The following BCAS3 variants were observed in gnomAD, a reference collection of about 807,000 sequenced individuals.
BCAS3 encodes BCAS3 microtubule associated cell migration factor.
Under a neutral mutation model 116.1 loss-of-function variants are expected in BCAS3, and 53 were observed. The observed-to-expected ratio is 0.46, with a 90% CI of 0.37 to 0.57. The LOEUF is 0.57. Ranked by LOEUF, BCAS3 falls within the 20% of genes least tolerant of loss-of-function variation. The pLI, the probability that BCAS3 is intolerant of heterozygous loss-of-function variation, is 0.00. For synonymous variants in BCAS3, 391 were observed against 408.2 expected (o/e 0.96, Z 0.51); for missense variants, 917 against 1,165.4 (o/e 0.79, Z 3.10).
At chr17:60,736,398 G>T (rs536018768) in intron 5 of BCAS3, among the ~76,000 whole-genome samples, 1 of 150,568 alleles carries the variant, frequency 6.6e-6, no homozygotes, top group Non-Finnish European at 1.5e-5. Flanking sequence ...GTTGGCCAGG[G>T]TGGTCTCAAA....
chr17:61,237,658 G>C (rs903003607), intron 22 of BCAS3, among the ~76,000 whole-genome samples: 2 of 152,134 alleles, frequency 1.3e-5, no homozygotes, highest in African/African-American at 4.8e-5. Flanking sequence ...TACAGTACGT[G>C]GGACACTGAA....
At chr17:60,790,237 CA>C (rs2046643569) in intron 6 of BCAS3, among the ~76,000 whole-genome samples, 1 of 152,146 alleles carries the variant, frequency 6.6e-6, no homozygotes, top group South Asian at 2.1e-4. Flanking sequence ...TGGAGTTCTT[CA>C]ATTCAGGTTT....
chr17:61,068,015 T>G lies in BCAS3; in HGVS notation c.2030-6905T>G, dbSNP rs1879915466. On this transcript the variant is annotated intron_variant, in intron 19 of 23. Transcript: ENST00000407086. This position sits in a 1 kb window ranked among gnomAD's most constrained non-coding sequence, Gnocchi z 4.3. Reference sequence around the variant, plus strand: ...TAAATTGATAGTATTCCCTATTCAGTATTTTCCTTTTCAGTTTGGCAGATA... The same window carrying G: ...TAAATTGATAGTATTCCCTATTCAGGATTTTCCTTTTCAGTTTGGCAGATA... Among the ~76,000 whole-genome samples the G allele has an allele frequency of 6.6e-6, 1 of 152,162 alleles. No individual in the cohort carries two copies. Among genetic ancestry groups the G allele is most frequent in the African/African-American group, 2.4e-5 (1 of 41,446 alleles).
rs2073903171 is a variant in BCAS3, at chr17:61,095,407, G to A, written c.2425+10843G>A. Among the ~76,000 whole-genome samples the A allele has an allele frequency of 6.6e-6, 1 of 152,164 alleles. No individual in the cohort carries two copies. On this transcript the variant is annotated intron_variant, in intron 22 of 23. Coordinates refer to ENST00000407086, the MANE Select transcript of BCAS3 (RefSeq NM_017679.5). The surrounding 1 kb of genome is among the most constrained non-coding windows in gnomAD (Gnocchi z 4.7). ...TAGCTGATACATAATTGTATTAAAT[G>A]TTGATAGATATAGTACATATAAACC...
At chr17:60,896,123 C>G (rs2057492920) in intron 10 of BCAS3, among the ~76,000 whole-genome samples, 2 of 152,068 alleles carry the variant, frequency 1.3e-5, no homozygotes, top group Non-Finnish European at 2.9e-5. Flanking sequence ...GTCAGGAGTT[C>G]AAGACCAGCC....
At chr17:61,385,577 A>G (rs1176642009) in intron 23 of BCAS3, among the ~76,000 whole-genome samples, 8 of 152,354 alleles carry the variant, frequency 5.3e-5, no homozygotes, top group African/African-American at 1.9e-4. Flanking sequence ...AGGAACCCCC[A>G]GGCAGAAGGT....
At position 61,236,383 on chromosome 17, in the gene BCAS3, G is replaced by C. The variant is rs369358469; in HGVS notation, c.2426-131944G>C. On this transcript the variant is annotated intron_variant, in intron 22 of 23. Coordinates refer to ENST00000407086, the MANE Select transcript of BCAS3 (RefSeq NM_017679.5). Reference sequence around the variant, plus strand: ...CACCCAGGCTGGAGTGCAGCGGTGTGATCTCAGCTCACTGCAACCTCTGCC... The same window carrying C: ...CACCCAGGCTGGAGTGCAGCGGTGTCATCTCAGCTCACTGCAACCTCTGCC... Among the ~76,000 whole-genome samples the C allele has an allele frequency of 5.4e-4, 82 of 152,310 alleles. No individual in the cohort carries two copies. In the South Asian group the frequency reaches 0.017, roughly 32 times the overall value.
Position 60,910,469 on chromosome 17 carries a change from C to A in BCAS3, c.823-63C>A, listed in dbSNP as rs747223932. ...AATGATTAGGAAAATTAATAAAATG[C>A]GTATTTCTATGTAGAATCCAAATAC... On this transcript the variant is annotated intron_variant, in intron 11 of 23. Transcript: ENST00000407086. 6 of 1,266,770 alleles carry A rather than the reference C, an allele frequency of 4.7e-6. No homozygotes were observed. The South Asian group carries it at 7.4e-5, about 16-fold the overall frequency. 78.5% of individuals were successfully genotyped at this position (1,266,770 alleles called of 1,614,324 possible).
At chr17:60,708,151 T>C (rs1313911327) in intron 4 of BCAS3, among the ~76,000 whole-genome samples, 3 of 152,044 alleles carry the variant, frequency 2.0e-5, no homozygotes, top group African/African-American at 7.2e-5. Flanking sequence ...GGCGAAACCC[T>C]GTCTCTACAA....
intron 22 of BCAS3, among the ~76,000 whole-genome samples, chr17:61,223,980 G>A (rs148103620): frequency 1.6e-3 from 249 of 152,316 alleles, no homozygotes; most frequent in African/African-American, 4.2e-3. Context: ...TCATGTGCTC[G>A]CTTTTGGATA....
At chr17:60,821,480 T>C (rs996169939) in intron 7 of BCAS3, among the ~76,000 whole-genome samples, 2 of 152,168 alleles carry the variant, frequency 1.3e-5, no homozygotes, top group African/African-American at 4.8e-5. Context: ...TTCCCCAAAG[T>C]TTCCTCATGT....
chr17:61,275,667 G>C (rs10083853), intron 22 of BCAS3, among the ~76,000 whole-genome samples: 28,134 of 152,098 alleles, frequency 0.18, 4,339 homozygotes, highest in African/African-American at 0.43. Flanking sequence ...CACTACAGAG[G>C]TGCACATGCA....
intron 23 of BCAS3, chr17:61,389,731 T>A (rs530357458): frequency 6.6e-6 from 1 of 152,394 alleles, no homozygotes; most frequent in East Asian, 1.9e-4. Context: ...GAACAGGACA[T>A]TCATCTTGTA....
intron 22 of BCAS3, among the ~76,000 whole-genome samples, chr17:61,264,278 A>T (rs1449584756): frequency 6.6e-6 from 1 of 152,170 alleles, no homozygotes; most frequent in Non-Finnish European, 1.5e-5. Flanking sequence ...TGACTTGTGT[A>T]TAAAAGAAGA....
At position 61,339,729 on chromosome 17, in the gene BCAS3, G is replaced by A. The variant is rs567952942; in HGVS notation, c.2426-28598G>A. On this transcript the variant is annotated intron_variant, in intron 22 of 23. Transcript: ENST00000407086. The surrounding 1 kb of genome is among the most constrained non-coding windows in gnomAD (Gnocchi z 4.4). ...TACAGTGAGCTGAGATCGCGCCACTGTACTCCAGTCGGGGCGACAAAGCGA... is the reference window on the plus strand; with the variant it reads ...TACAGTGAGCTGAGATCGCGCCACTATACTCCAGTCGGGGCGACAAAGCGA... 6.6e-6 allele frequency among the ~76,000 whole-genome samples: 1 copy of A among 150,948 alleles called. No individual in the cohort carries two copies. Among genetic ancestry groups the A allele is most frequent in the Non-Finnish European group, 1.5e-5 (1 of 67,874 alleles).
chr17:60,775,945 G>A (rs1351763043), intron 6 of BCAS3, among the ~76,000 whole-genome samples: 1 of 152,176 alleles, frequency 6.6e-6, no homozygotes, highest in African/African-American at 2.4e-5. Flanking sequence ...CTAATTCTTT[G>A]TACTCAGTGC....
chr17:61,049,550 AG>A (rs1296899366), intron 19 of BCAS3, among the ~76,000 whole-genome samples: 1 of 151,754 alleles, frequency 6.6e-6, no homozygotes, highest in Non-Finnish European at 1.5e-5. Context: ...AGATAGAAAA[AG>A]GTCAGTAAAT....
chr17:60,891,705 G>C, intron 10 of BCAS3: 1 of 455,914 alleles, frequency 2.2e-6, no homozygotes, highest in Non-Finnish European at 4.4e-6. Context: ...TGTTACACAG[G>C]TATATTGTGT....
chr17:61,354,857 C>G lies in BCAS3; in HGVS notation c.2426-13470C>G, dbSNP rs1184837495. 3 of 152,238 alleles carry G rather than the reference C, an allele frequency of 2.0e-5. No homozygotes were observed. Among genetic ancestry groups the G allele is most frequent in the African/African-American group, 7.2e-5 (3 of 41,446 alleles). 9.4% of individuals were successfully genotyped at this position (152,238 alleles called of 1,614,324 possible). On this transcript the variant is annotated intron_variant, in intron 22 of 23. Coordinates refer to ENST00000407086, the MANE Select transcript of BCAS3 (RefSeq NM_017679.5). This position sits in a 1 kb window ranked among gnomAD's most constrained non-coding sequence, Gnocchi z 4.5. ...CAAAATAACAAAGCTAAAAATGGGT[C>G]AGGTATCAAACGGGTCAACTCCAGT... is the stretch of plus-strand genomic sequence containing the variant.
Sources: gnomAD v4.1 joint callset for allele counts (sites outside exome capture counted in the v4.1 genomes callset) on GRCh38, gnomAD v4.1.1 for gene constraint, Gnocchi (gnomAD v3.1) non-coding constraint, MANE v1.5 for transcripts, NCBI Gene and HGNC (gene_info 2026-07-23, HGNC 2026-07-21) for gene names.